The following DAB1 variants were observed in gnomAD, a reference collection of about 807,000 sequenced individuals.
The protein encoded by DAB1 is DAB adaptor protein 1, also known as disabled homolog 1.
In DAB1, 15 loss-of-function variants were observed where a neutral mutation model predicts 64.6. The observed-to-expected ratio is 0.23, with a 90% CI of 0.16 to 0.36. DAB1 has a LOEUF of 0.36. DAB1 is among the 10% of genes least tolerant of loss of function. The probability of loss-of-function intolerance (pLI) is 1.00; values close to 1 mark genes in which losing one functional copy is unlikely to be tolerated. For missense variants in DAB1, 596 were observed against 706.7 expected (o/e 0.84, Z 1.78); for synonymous variants, 235 against 251.9 (o/e 0.93, Z 0.64).
chr1:57,553,187 T>C (rs1454211072), intron 7 of DAB1, among the ~76,000 whole-genome samples: 1 of 151,618 alleles, frequency 6.6e-6, no homozygotes, highest in Non-Finnish European at 1.5e-5. Flanking sequence ...CATATTCCTA[T>C]TACTTAGGAT....
At chr1:57,467,518 C>T (rs1311978341) in intron 7 of DAB1, among the ~76,000 whole-genome samples, 1 of 152,086 alleles carries the variant, frequency 6.6e-6, no homozygotes, top group African/African-American at 2.4e-5. Flanking sequence ...GTTTGATAAG[C>T]ACTACCTTAG....
At chr1:57,814,237 C>T (rs1172289695) in intron 6 of DAB1, among the ~76,000 whole-genome samples, 6 of 152,168 alleles carry the variant, frequency 3.9e-5, no homozygotes, top group Admixed American at 2.0e-4. Context: ...ACATTTCCAG[C>T]GCTGAACTGG....
At chr1:58,485,185 A>C (rs1288094661) in intron 3 of DAB1, among the ~76,000 whole-genome samples, 1 of 148,676 alleles carries the variant, frequency 6.7e-6, no homozygotes, top group Non-Finnish European at 1.5e-5. Context: ...CTACTCAATT[A>C]AAAGTTGAAG....
At chr1:57,476,343 A>C (rs78728168) in intron 7 of DAB1, among the ~76,000 whole-genome samples, 2,715 of 152,136 alleles carry the variant, frequency 0.018, 33 homozygotes, top group South Asian at 0.032. Flanking sequence ...TCCCAATAAA[A>C]TGTCAATTTT....
chr1:57,120,273 A>AT (rs761297071), intron 4 of DAB1, among the ~76,000 whole-genome samples: 3 of 152,166 alleles, frequency 2.0e-5, no homozygotes, highest in Non-Finnish European at 2.9e-5. Context: ...AAATGAGACC[A>AT]TTTTTACATT....
intron 7 of DAB1, among the ~76,000 whole-genome samples, chr1:57,609,499 C>A (rs1256577876): frequency 2.6e-5 from 4 of 152,036 alleles, no homozygotes; most frequent in Admixed American, 2.6e-4. Context: ...GACGAATTCC[C>A]CCACGAATAC....
chr1:58,466,064 A>G (rs979348437), intron 3 of DAB1, among the ~76,000 whole-genome samples: 1 of 152,128 alleles, frequency 6.6e-6, no homozygotes, highest in Admixed American at 6.5e-5. Context: ...ATGACTGCCC[A>G]GCGGTCCCCA....
At chr1:57,495,830 T>C (rs1011862173) in intron 7 of DAB1, among the ~76,000 whole-genome samples, 4 of 152,188 alleles carry the variant, frequency 2.6e-5, no homozygotes, top group African/African-American at 9.7e-5. Flanking sequence ...TTCCCCTTGG[T>C]GTTCACTGAA....
At chr1:58,329,543 T>C (rs182730732) in intron 4 of DAB1, among the ~76,000 whole-genome samples, 35 of 152,324 alleles carry the variant, frequency 2.3e-4, no homozygotes, top group Admixed American at 1.8e-3. Context: ...AGGCATACCT[T>C]GTATTATTGT....
At chr1:57,135,084 T>C (rs527910111) in intron 4 of DAB1, among the ~76,000 whole-genome samples, 1 of 152,272 alleles carries the variant, frequency 6.6e-6, no homozygotes, top group Non-Finnish European at 1.5e-5. Flanking sequence ...ACCTAGCTAT[T>C]TTTTATTTTG....
intron 3 of DAB1, among the ~76,000 whole-genome samples, chr1:58,344,831 T>C (rs1260708417): frequency 3.9e-5 from 6 of 152,036 alleles, no homozygotes; most frequent in Non-Finnish European, 7.4e-5. Context: ...AATGAGGTGA[T>C]AGGCATCTAA....
At chr1:57,476,775 A>C (rs910870528) in intron 7 of DAB1, among the ~76,000 whole-genome samples, 1 of 152,174 alleles carries the variant, frequency 6.6e-6, no homozygotes, top group Non-Finnish European at 1.5e-5. Context: ...GCTATGTGTC[A>C]GGGGAGCACA....
chr1:57,533,539 GTATATA>G (rs59378470), intron 7 of DAB1, among the ~76,000 whole-genome samples: 5 of 143,764 alleles, frequency 3.5e-5, no homozygotes, highest in African/African-American at 5.2e-5. Flanking sequence ...TTCATAACAG[GTATATA>G]TATATATATA....
At chr1:57,526,232 G>A (rs537788261) in intron 7 of DAB1, among the ~76,000 whole-genome samples, 16 of 152,056 alleles carry the variant, frequency 1.1e-4, no homozygotes, top group African/African-American at 1.4e-4. Flanking sequence ...CACTGCGCCC[G>A]GCCTTAAATA....
chr1:57,309,305 A>G (rs1193752849), intron 1 of DAB1, among the ~76,000 whole-genome samples: 8 of 152,210 alleles, frequency 5.3e-5, no homozygotes, highest in Non-Finnish European at 1.5e-5. Context: ...ACTGTGGTCC[A>G]CTGAGCCCAT....
chr1:57,080,249 C>T (rs1652369602), intron 4 of DAB1, among the ~76,000 whole-genome samples: 1 of 152,172 alleles, frequency 6.6e-6, no homozygotes, highest in African/African-American at 2.4e-5. Context: ...CCCCTGGCAA[C>T]TGTCACTCTC....
rs61660460 is a variant in DAB1, at chr1:57,226,672, A to AATAT, written c.67+64288_67+64291dup. Among the ~76,000 whole-genome samples the AATAT allele has an allele frequency of 6.3e-3, 859 of 135,972 alleles. 9 individuals are homozygous for AATAT. Among genetic ancestry groups the AATAT allele is most frequent in the Non-Finnish European group, 8.7e-3 (573 of 65,938 alleles). 89.2% of individuals were successfully genotyped at this position (135,972 alleles called of 152,430 possible). A position where few individuals can be genotyped will look rare whatever the true frequency, so the allele number is the denominator to read the frequency against. ...GTCACTCAAAAGTGGTTAAAAAAAA[A>AATAT]ATATATATATATATATATATATATA... is the stretch of plus-strand genomic sequence containing the variant. On this transcript the variant is annotated intron_variant, in intron 2 of 14. Coordinates refer to ENST00000371236, the MANE Select transcript of DAB1 (RefSeq NM_001365792.1).
chr1:58,461,208 T>C (rs150627275), intron 3 of DAB1, among the ~76,000 whole-genome samples: 9 of 152,350 alleles, frequency 5.9e-5, no homozygotes, highest in Admixed American at 5.9e-4. Context: ...TGTCCACTTA[T>C]GTATGTTTTA....
chr1:57,156,429 A>T (rs1362352514), intron 2 of DAB1, among the ~76,000 whole-genome samples: 1 of 152,140 alleles, frequency 6.6e-6, no homozygotes, highest in Non-Finnish European at 1.5e-5. Flanking sequence ...AGGAACTGAA[A>T]TTCATTTGAC....
Sources: allele counts gnomAD v4.1 joint callset (sites outside exome capture counted in the v4.1 genomes callset), GRCh38; gene constraint gnomAD v4.1.1; transcripts MANE v1.5; gene names NCBI Gene and HGNC (gene_info 2026-07-23, HGNC 2026-07-21).